MIER2: variants seen among roughly 807,000 people sequenced by gnomAD.
MIER2 encodes the protein MIER family member 2, also known as mesoderm induction early response protein 2.
A neutral mutation model predicts 67.6 loss-of-function variants in MIER2; 30 were observed. That is an observed-to-expected ratio of 0.44 (90% CI 0.33 to 0.60). The LOEUF is 0.60. MIER2 is among the 20% of genes least tolerant of loss of function. MIER2 has a pLI of 0.02. For synonymous variants in MIER2, 372 were observed against 312.6 expected, an observed-to-expected ratio of 1.19 and a Z score of -2.00; for missense variants, 702 against 745.1, an observed-to-expected ratio of 0.94 and a Z score of 0.67.
chr19:325,969 G>A lies in MIER2; in HGVS notation c.586-265C>T, dbSNP rs111871099. ...GTCGGAGGACAAACACTCTGGGTCAGCAGCAGGGGCCCAGGCTCCGGTCCA... is the reference window on the plus strand; with the variant it reads ...GTCGGAGGACAAACACTCTGGGTCAACAGCAGGGGCCCAGGCTCCGGTCCA... On this transcript the variant is annotated intron_variant, in intron 6 of 13. Transcript: ENST00000264819. Among the ~76,000 whole-genome samples the A allele has an allele frequency of 4.0e-3, 602 of 152,326 alleles. 5 individuals carry two copies. Among genetic ancestry groups the A allele is most frequent in the African/African-American group, 0.014 (567 of 41,568 alleles).
intron 4 of MIER2, 143 bp from the exon 5 acceptor site, chr19:327,399 C>T (rs1429045801): frequency 1.5e-5 from 17 of 1,112,158 alleles, no homozygotes; most frequent in Non-Finnish European, 2.2e-5. Flanking sequence ...GGGTGCACAG[C>T]GTGGGGGGAG....
chr19:310,830 GTCCAGAAACACGGCCCACAAC>G (rs1170915680), intron 10 of MIER2, among the ~76,000 whole-genome samples: 2 of 142,032 alleles, frequency 1.4e-5, no homozygotes, highest in African/African-American at 5.3e-5. Flanking sequence ...ACGGCCAGGA[GTCCAGAAACACGGCCCACAAC>G]TCCAGAAACA....
intron 10 of MIER2, among the ~76,000 whole-genome samples, chr19:310,599 A>AGCCCGGAGCTGTAGAAACACG (rs1568216569): frequency 3.7e-5 from 2 of 54,536 alleles, no homozygotes; most frequent in African/African-American, 1.4e-4. Context: ...GCAGAAACAC[A>AGCCCGGAGCTGTAGAAACACG]GCCGGGAGCT....
At chr19:318,648 C>T (rs1166674868) in intron 7 of MIER2, among the ~76,000 whole-genome samples, 8 of 152,194 alleles carry the variant, frequency 5.3e-5, no homozygotes, top group Admixed American at 1.3e-4. Flanking sequence ...TCTTCAAACA[C>T]GTACAACATT....
At chr19:309,825 GGGAC>G (rs1970860249) in intron 10 of MIER2, among the ~76,000 whole-genome samples, 1 of 121,928 alleles carries the variant, frequency 8.2e-6, no homozygotes, top group Admixed American at 8.3e-5. Flanking sequence ...GAGACGAGAA[GGGAC>G]ACACACACAC....
intron 1 of MIER2, among the ~76,000 whole-genome samples, chr19:337,319 AC>A (rs755748179): frequency 2.0e-5 from 3 of 152,222 alleles, no homozygotes; most frequent in African/African-American, 4.8e-5. Context: ...AAATAAAAAA[AC>A]AAAACACAGG....
chr19:330,987 T>C (rs761251753), intron 3 of MIER2, among the ~76,000 whole-genome samples: 12 of 152,156 alleles, frequency 7.9e-5, no homozygotes, highest in Non-Finnish European at 1.2e-4. Flanking sequence ...ACTCCTACCT[T>C]TTTCAACCAC....
In MIER2 at chr19:307,236, G is replaced by A; in HGVS notation, c.1499C>T (p.Ala500Val). 1.3e-6 allele frequency: 2 copies of A among 1,593,368 alleles called. No homozygotes were observed. Among genetic ancestry groups the A allele is most frequent in the East Asian group, 4.6e-5 (2 of 43,874 alleles). The change falls in exon 13 of 14, where the codon GCA becomes GTA. Residue 500 changes from alanine to valine, a missense_variant. Physicochemically the swap from Ala to Val is moderately conservative, Grantham distance 64. Transcript: ENST00000264819. ...SGDPEETVAP[A>V]QVALSVTEFG... The stretch of plus-strand genomic sequence containing the variant: ...CTCGGTGACCGACAAAGCCACCTGT[G>A]CTGGGGCCACAGTCTCCTCCGGATC...
intron 1 of MIER2, 137 bp from the exon 2 acceptor site, chr19:336,310 G>T: frequency 1.5e-6 from 1 of 675,186 alleles, no homozygotes; most frequent in Non-Finnish European, 2.5e-6. Flanking sequence ...CTCCGCCTCT[G>T]AGGGCTGGGG....
chr19:328,853 A>T (rs1568232541), intron 3 of MIER2, among the ~76,000 whole-genome samples: 1 of 152,248 alleles, frequency 6.6e-6, no homozygotes. Context: ...AGCAGCCCCC[A>T]TCACGATCTG....
rs779511875 is a variant in MIER2, at chr19:308,550, G to T, written c.1198+27C>A. The T allele has an allele frequency of 5.1e-6, 8 of 1,568,652 alleles. No individual in the cohort carries two copies. In the Admixed American group the frequency reaches 1.5e-4, roughly 29 times the overall value. On this transcript the variant is annotated intron_variant, in intron 12 of 13. Transcript: ENST00000264819. This position sits in a 1 kb window ranked among gnomAD's most constrained non-coding sequence, Gnocchi z 9.1. ...GGCTCCAGACCCGTGGCCGCCCCCA[G>T]GGCAGGAGATACTCCCCAAGCCTCA...
At chr19:309,063 C>A in intron 10 of MIER2, 138 bp from the exon 11 acceptor site, 1 of 1,267,398 alleles carries the variant, frequency 7.9e-7, no homozygotes, top group African/African-American at 1.5e-5. Flanking sequence ...AACGCAAGAC[C>A]CCCCGACCCA....
chr19:308,922 G>A lies in MIER2; in HGVS notation c.988C>T (p.Arg330Cys), dbSNP rs775609401. Residue 330 changes from arginine to cysteine, a missense_variant, in exon 11 of 14, where the codon CGC (arginine) becomes TGC (cysteine). Physicochemically the swap from Arg to Cys is radical, Grantham distance 180 (BLOSUM62 -3). Around this residue, in one of 3 missense-constraint regions of MIER2, gnomAD observed 128 missense variants for 189.7 expected, o/e 0.67. Transcript: ENST00000264819. The surrounding 1 kb of genome is among the most constrained non-coding windows in gnomAD (Gnocchi z 9.1). ...NFHLIQANKV[R>C]TRSVGECVEY... The stretch of plus-strand genomic sequence containing the variant: ...ACACACTCGCCCACTGACCGTGTGC[G>A]CACCTGCGGGGAGGGGTCAGGAGCC... The A allele has an allele frequency of 3.7e-6, 6 of 1,600,796 alleles. No individual in the cohort carries two copies. The highest frequency in any genetic ancestry group is 2.3e-5 in the East Asian group (1 of 44,404).
intron 7 of MIER2, among the ~76,000 whole-genome samples, chr19:318,884 G>A (rs1388284250): frequency 5.3e-5 from 8 of 151,810 alleles, no homozygotes; most frequent in Admixed American, 3.9e-4. Context: ...GTGAAACCCC[G>A]TCTCTACTAA....
At chr19:311,268 C>T (rs1970987729) in intron 10 of MIER2, among the ~76,000 whole-genome samples, 1 of 152,236 alleles carries the variant, frequency 6.6e-6, no homozygotes. Context: ...GTCTGACTGC[C>T]AAGAGGCTGG....
chr19:314,927 A>G (rs1885533934), intron 7 of MIER2, among the ~76,000 whole-genome samples: 1 of 151,886 alleles, frequency 6.6e-6, no homozygotes, highest in Non-Finnish European at 1.5e-5. Flanking sequence ...TTTCAAATGT[A>G]GTACAGGCAC....
chr19:307,489 C>G lies in MIER2; in HGVS notation c.1246G>C (p.Val416Leu). ...GTAGGLDEPG[V>L]ASDGLPSSEP... Reference sequence around the variant, plus strand: ...GAGGACGGGAGTCCATCAGAGGCCACTCCGGGCTCATCGAGACCACCGGCC... The same window carrying G: ...GAGGACGGGAGTCCATCAGAGGCCAGTCCGGGCTCATCGAGACCACCGGCC... Residue 416 changes from valine to leucine, a missense_variant, in exon 13 of 14, where the codon GTG becomes CTG. By Grantham distance (32) the Val-to-Leu change is conservative. Coordinates refer to ENST00000264819, the MANE Select transcript of MIER2 (RefSeq NM_017550.3). 6.5e-7 allele frequency: 1 copy of G among 1,529,814 alleles called. No homozygotes were observed. The allele number at this position is 1,529,814 out of a possible 1,614,324, so 94.8% of individuals were successfully genotyped here. A position where few individuals can be genotyped will look rare whatever the true frequency, so the allele number is the denominator to read the frequency against.
At chr19:314,523 T>G (rs901724519) in intron 7 of MIER2, among the ~76,000 whole-genome samples, 2 of 152,098 alleles carry the variant, frequency 1.3e-5, no homozygotes, top group African/African-American at 4.8e-5. Flanking sequence ...AAAAACGCAC[T>G]GGGGAAAACA....
rs1209290840 is a variant in MIER2, at chr19:311,668, G to C, written c.984+177C>G. Among the ~76,000 whole-genome samples, 5 of 152,182 alleles carry C rather than the reference G, an allele frequency of 3.3e-5. No individual in the cohort carries two copies. The East Asian group carries it at 9.6e-4, about 29-fold the overall frequency. On this transcript the variant is annotated intron_variant, in intron 10 of 13. Transcript: ENST00000264819. ...CTTGTTCTTGTGGGGACAGGAAAGG[G>C]GCCCACAGCAGTCAGTAGCAAAAAA...
Sources: gnomAD v4.1 joint callset for allele counts (sites outside exome capture counted in the v4.1 genomes callset) on GRCh38, gnomAD v4.1.1 for gene constraint, gnomAD v4.1.1 regional missense constraint, Gnocchi (gnomAD v3.1) non-coding constraint, MANE v1.5 for transcripts, NCBI Gene and HGNC (gene_info 2026-07-23, HGNC 2026-07-21) for gene names.